The following HPSE2 variants were observed in gnomAD, a reference collection of about 807,000 sequenced individuals.
The protein encoded by HPSE2 is inactive heparanase-2.
HPSE2 carries 38 observed loss-of-function variants against 60.5 expected under a neutral mutation model. The ratio of observed to expected loss-of-function variants is 0.63; its 90% CI spans 0.48 to 0.82. The LOEUF is 0.82. Ranked by LOEUF, HPSE2 falls within the 40% of genes least tolerant of loss-of-function variation. The pLI, the probability that HPSE2 is intolerant of heterozygous loss-of-function variation, is 0.00. For synonymous variants in HPSE2, 295 were observed against 293.2 expected, an observed-to-expected ratio of 1.01 and a Z score of -0.06; for missense variants, 713 against 740.4, an observed-to-expected ratio of 0.96 and a Z score of 0.43.
At chr10:98,549,160 T>A (rs1348113456) in intron 9 of HPSE2, among the ~76,000 whole-genome samples, 2 of 152,148 alleles carry the variant, frequency 1.3e-5, no homozygotes, top group Non-Finnish European at 2.9e-5. Context: ...GGAATTAAAT[T>A]TTGCTTATAC....
chr10:98,865,297 G>A (rs1952561458), intron 3 of HPSE2, among the ~76,000 whole-genome samples: 1 of 151,994 alleles, frequency 6.6e-6, no homozygotes. Context: ...ACTAAATGTA[G>A]TTTAAAGAAA....
At chr10:99,079,148 C>A (rs1464815220) in intron 3 of HPSE2, among the ~76,000 whole-genome samples, 1 of 152,114 alleles carries the variant, frequency 6.6e-6, no homozygotes, top group Admixed American at 6.6e-5. Flanking sequence ...GCACTGGTCC[C>A]CAGGCAGCAA....
At chr10:99,039,733 G>A (rs2135471468) in intron 3 of HPSE2, among the ~76,000 whole-genome samples, 1 of 151,916 alleles carries the variant, frequency 6.6e-6, no homozygotes, top group East Asian at 1.9e-4. Flanking sequence ...GTCCAAGCTA[G>A]GGATTATAGC....
chr10:98,642,166 C>G (rs1284276821), intron 6 of HPSE2, among the ~76,000 whole-genome samples: 2 of 152,030 alleles, frequency 1.3e-5, no homozygotes, highest in African/African-American at 4.8e-5. Context: ...TTTTTTTCAG[C>G]TTTTGTCACG....
intron 9 of HPSE2, among the ~76,000 whole-genome samples, chr10:98,614,133 T>C (rs1353273092): frequency 6.6e-6 from 1 of 152,166 alleles, no homozygotes; most frequent in Non-Finnish European, 1.5e-5. Context: ...GTGTGTCTGA[T>C]CTTGGATAAC....
Position 98,783,148 on chromosome 10 carries a change from A to T in HPSE2, c.611-39092T>A, listed in dbSNP as rs1230565224. ...ATATTCCCCTTCCTGTGTCCATGTG[A>T]TCTCATTGTTCAATTCCCACCTATG... On this transcript the variant is annotated intron_variant, in intron 3 of 11. Transcript: ENST00000370552. 1.9e-3 allele frequency among the ~76,000 whole-genome samples: 120 copies of T among 63,430 alleles called. 2 individuals are homozygous for T. Among genetic ancestry groups the T allele is most frequent in the African/African-American group, 7.9e-3 (114 of 14,468 alleles). The allele number at this position is 63,430 out of a possible 152,430, so 41.6% of individuals were successfully genotyped here. A position where few individuals can be genotyped will look rare whatever the true frequency, so the allele number is the denominator to read the frequency against.
intron 9 of HPSE2, among the ~76,000 whole-genome samples, chr10:98,544,506 C>T (rs1397117318): frequency 6.6e-5 from 10 of 151,598 alleles, no homozygotes; most frequent in Non-Finnish European, 1.3e-4. Flanking sequence ...GTCAGGAGAT[C>T]GAGACCATCC....
At chr10:99,278,012 G>C in the HPSE2 span, among the ~76,000 whole-genome samples, 4 of 149,304 alleles carry the variant, frequency 2.7e-5, no homozygotes, top group African/African-American at 9.9e-5. Flanking sequence ...CGAGAGAATC[G>C]CTTGAACCCA....
At chr10:98,838,195 T>C (rs1320460377) in intron 3 of HPSE2, among the ~76,000 whole-genome samples, 11 of 152,254 alleles carry the variant, frequency 7.2e-5, no homozygotes, top group Admixed American at 7.2e-4. Flanking sequence ...CAGGCAGACC[T>C]GTGTTTAAAT....
At chr10:98,799,217 G>A (rs1396386568) in intron 3 of HPSE2, among the ~76,000 whole-genome samples, 1 of 152,086 alleles carries the variant, frequency 6.6e-6, no homozygotes, top group Non-Finnish European at 1.5e-5. Flanking sequence ...TGATAAAGGG[G>A]TCAATTCTGC....
chr10:99,104,613 G>A (rs977128248), intron 3 of HPSE2, among the ~76,000 whole-genome samples: 12 of 152,184 alleles, frequency 7.9e-5, no homozygotes, highest in African/African-American at 2.7e-4. Flanking sequence ...ACATGCATAT[G>A]TTTGTTTATT....
chr10:99,149,733 A>G (rs1846188941), intron 2 of HPSE2, among the ~76,000 whole-genome samples: 1 of 152,176 alleles, frequency 6.6e-6, no homozygotes. Context: ...AAAAATGTGT[A>G]TTTTTCTTAT....
At chr10:99,048,062 T>C (rs1057451780) in intron 3 of HPSE2, 2 of 714,564 alleles carry the variant, frequency 2.8e-6, no homozygotes, top group Admixed American at 2.0e-5. Flanking sequence ...ATATATTGCA[T>C]GGGGGTACCC....
chr10:98,959,820 C>A (rs1955604784), intron 3 of HPSE2, among the ~76,000 whole-genome samples: 1 of 152,066 alleles, frequency 6.6e-6, no homozygotes, highest in Non-Finnish European at 1.5e-5. Flanking sequence ...ATTTTTACAT[C>A]TAGACCCAAG....
At position 98,773,738 on chromosome 10, in the gene HPSE2, C is replaced by T. The variant is rs551424837; in HGVS notation, c.611-29682G>A. 9.5e-4 allele frequency among the ~76,000 whole-genome samples: 145 copies of T among 152,170 alleles called. 2 individuals carry two copies. Among genetic ancestry groups the T allele is most frequent in the Admixed American group, 8.8e-3 (135 of 15,260 alleles). ...AGAAGAGTGAATAAATAAATCTATA[C>T]GATGAAATTCAATCAATAAAGGTAC... On this transcript the variant is annotated intron_variant, in intron 3 of 11. Coordinates refer to ENST00000370552, the MANE Select transcript of HPSE2 (RefSeq NM_021828.5).
At chr10:99,036,156 A>C (rs1450341279) in intron 3 of HPSE2, among the ~76,000 whole-genome samples, 1 of 152,194 alleles carries the variant, frequency 6.6e-6, no homozygotes, top group African/African-American at 2.4e-5. Flanking sequence ...TGGAGGCTGA[A>C]GTGAACTATG....
intron 3 of HPSE2, among the ~76,000 whole-genome samples, chr10:99,049,810 T>C (rs531998092): frequency 3.9e-5 from 6 of 152,304 alleles, no homozygotes; most frequent in Non-Finnish European, 8.8e-5. Context: ...AAACAAGCTA[T>C]AGACCAGGAG....
chr10:99,056,987 G>C (rs1197807304), intron 3 of HPSE2, among the ~76,000 whole-genome samples: 2 of 152,134 alleles, frequency 1.3e-5, no homozygotes, highest in Non-Finnish European at 2.9e-5. Flanking sequence ...AGAAACAAAA[G>C]AGTACGTATG....
intron 5 of HPSE2, among the ~76,000 whole-genome samples, chr10:98,695,753 C>G (rs1469934640): frequency 6.6e-6 from 1 of 152,130 alleles, no homozygotes; most frequent in Non-Finnish European, 1.5e-5. Flanking sequence ...TCTCCTTTCC[C>G]CAGCCCAGGA....
Sources: gnomAD v4.1 joint callset for allele counts (sites outside exome capture counted in the v4.1 genomes callset) on GRCh38, gnomAD v4.1.1 for gene constraint, MANE v1.5 for transcripts, NCBI Gene and HGNC (gene_info 2026-07-23, HGNC 2026-07-21) for gene names.